PPA1: variants seen among roughly 807,000 people sequenced by gnomAD.
PPA1 encodes inorganic pyrophosphatase 1.
In PPA1, 23 loss-of-function variants were observed where a neutral mutation model predicts 41.8. That is an observed-to-expected ratio of 0.55 (90% confidence interval 0.40 to 0.78). The LOEUF is 0.78. Ranked by LOEUF, PPA1 falls within the 30% of genes least tolerant of loss-of-function variation. The pLI, the probability that PPA1 is intolerant of heterozygous loss-of-function variation, is 0.00. For synonymous variants in PPA1, 101 were observed against 116.8 expected, an observed-to-expected ratio of 0.86 and a Z score of 0.87; for missense variants, 320 against 361.6, an observed-to-expected ratio of 0.89 and a Z score of 0.93.
chr10:70,207,331 T>G (rs1016480055), intron 8 of PPA1, among the ~76,000 whole-genome samples: 2 of 152,204 alleles, frequency 1.3e-5, no homozygotes, highest in African/African-American at 4.8e-5. Context: ...GGTTTATCCA[T>G]AAAACATATT....
Position 70,218,919 on chromosome 10 carries a change from T to C in PPA1, c.124-102A>G, listed in dbSNP as rs777830911. On this transcript the variant is annotated intron_variant, in intron 2 of 10. Transcript: ENST00000373232. Reference sequence around the variant, plus strand: ...AAGTCAAACTGTTCATTGTATCAGATCTTTGAAGTCAATTGGATTTTCAAC... The same window carrying C: ...AAGTCAAACTGTTCATTGTATCAGACCTTTGAAGTCAATTGGATTTTCAAC... The C allele has an allele frequency of 4.6e-4, 359 of 787,188 alleles. 2 individuals carry two copies. The highest frequency in any genetic ancestry group is 9.8e-5 in the Non-Finnish European group (46 of 467,646). 48.8% of individuals were successfully genotyped at this position (787,188 alleles called of 1,614,324 possible).
In PPA1 at chr10:70,213,579, C is replaced by A; in HGVS notation, c.395G>T (p.Arg132Ile). ...VCEIGSKVCA[R>I]GEIIGVKVLG... ...AACTTTCACGCCAATTATTTCACCTCTTGCACATACCTGAGAGTCAATAGC... is the reference window on the plus strand; with the variant it reads ...AACTTTCACGCCAATTATTTCACCTATTGCACATACCTGAGAGTCAATAGC... Residue 132 changes from arginine (R) to isoleucine (I), a missense_variant, in exon 6 of 11, where the codon AGA (arginine) becomes ATA (isoleucine). Transcript: ENST00000373232. The A allele has an allele frequency of 6.2e-7, 1 of 1,613,860 alleles. No individual in the cohort carries two copies. The highest frequency in any genetic ancestry group is 8.5e-7 in the Non-Finnish European group (1 of 1,179,854).
Position 70,204,544 on chromosome 10 carries a change from G to A in PPA1, c.838+329C>T, listed in dbSNP as rs943948449. ...GCTGAAGGATGGGGAAAGGGCAGGC[G>A]ATGGTCAAAGGGTACCAAGTTTTAG... On this transcript the variant is annotated intron_variant, in intron 10 of 10. Coordinates refer to ENST00000373232, the MANE Select transcript of PPA1 (RefSeq NM_021129.4). 13 of 214,766 alleles carry A rather than the reference G, an allele frequency of 6.1e-5. No homozygotes were observed. In the South Asian group the frequency reaches 7.7e-4, roughly 13 times the overall value. 13.3% of individuals were successfully genotyped at this position (214,766 alleles called of 1,614,324 possible).
At chr10:70,218,858 A>G (rs1840105480) in intron 2 of PPA1, 41 bp from the exon 3 acceptor site, 1 of 1,482,728 alleles carries the variant, frequency 6.7e-7, no homozygotes, top group Non-Finnish European at 9.4e-7. Flanking sequence ...ACAGGAGCCA[A>G]TTTGTTCTCT....
chr10:70,219,432 T>C (rs571476128), intron 2 of PPA1, among the ~76,000 whole-genome samples: 1 of 152,268 alleles, frequency 6.6e-6, no homozygotes, highest in South Asian at 2.1e-4. Flanking sequence ...TCAGAGACAG[T>C]TTATAAGACA....
intron 4 of PPA1, among the ~76,000 whole-genome samples, chr10:70,216,246 G>A (rs1840079527): frequency 6.6e-6 from 1 of 152,024 alleles, no homozygotes; most frequent in Non-Finnish European, 1.5e-5. Flanking sequence ...CCAGCACTTT[G>A]CAAGGCCGAG....
At chr10:70,214,735 C>CA in intron 4 of PPA1, 149 bp from the exon 5 acceptor site, 1 of 594,582 alleles carries the variant, frequency 1.7e-6, no homozygotes, top group Non-Finnish European at 2.9e-6. Flanking sequence ...TAACTACACA[C>CA]AAGAGTTTCA....
chr10:70,207,026 G>A (rs1589890095), intron 8 of PPA1, among the ~76,000 whole-genome samples: 2 of 152,086 alleles, frequency 1.3e-5, no homozygotes, highest in Non-Finnish European at 2.9e-5. Context: ...CCCAGTTCCT[G>A]TAGTGTTGGT....
chr10:70,203,011 G>A lies in PPA1; in HGVS notation c.*144C>T. 4 of 781,304 alleles carry A rather than the reference G, an allele frequency of 5.1e-6. No individual in the cohort carries two copies. Among genetic ancestry groups the A allele is most frequent in the Non-Finnish European group, 8.6e-6 (4 of 465,672 alleles). 48.4% of individuals were successfully genotyped at this position (781,304 alleles called of 1,614,324 possible). ...ATGCTTTAGATGGATAACATTCTGA[G>A]TATATTGGATTAGTCACAGCAGAAT... On this transcript the variant is annotated 3_prime_UTR_variant, in exon 11 of 11. Coordinates refer to ENST00000373232, the MANE Select transcript of PPA1 (RefSeq NM_021129.4).
At chr10:70,230,737 G>A (rs960618169) in intron 1 of PPA1, among the ~76,000 whole-genome samples, 1 of 152,132 alleles carries the variant, frequency 6.6e-6, no homozygotes, top group Non-Finnish European at 1.5e-5. Flanking sequence ...CCAAAGGGCT[G>A]GAATTACAGG....
chr10:70,212,929 T>A (rs1038659245), intron 6 of PPA1, among the ~76,000 whole-genome samples: 1 of 151,594 alleles, frequency 6.6e-6, no homozygotes, highest in African/African-American at 2.4e-5. Flanking sequence ...AGAGGCCACC[T>A]ATATGATGCC....
chr10:70,213,296 CTTAG>C (rs771994876), intron 6 of PPA1, among the ~76,000 whole-genome samples, 163 bp downstream of exon 6: 1 of 152,174 alleles, frequency 6.6e-6, no homozygotes, highest in Non-Finnish European at 1.5e-5. Flanking sequence ...AGAAAGTTTA[CTTAG>C]TTAATTACAA....
intron 8 of PPA1, among the ~76,000 whole-genome samples, chr10:70,208,146 T>C (rs915999493): frequency 6.6e-6 from 1 of 152,188 alleles, no homozygotes; most frequent in Non-Finnish European, 1.5e-5. Context: ...GCCGAGATCA[T>C]GCCATTGCAC....
At chr10:70,212,902 T>C (rs548197910) in intron 6 of PPA1, among the ~76,000 whole-genome samples, 5 of 150,736 alleles carry the variant, frequency 3.3e-5, no homozygotes, top group Non-Finnish European at 7.4e-5. Context: ...CTTCGCTAAG[T>C]GAAATAAACC....
intron 8 of PPA1, among the ~76,000 whole-genome samples, chr10:70,208,816 C>T (rs1399924745): frequency 1.4e-5 from 2 of 145,582 alleles, no homozygotes; most frequent in Non-Finnish European, 3.0e-5. Context: ...TTTTTGAGAC[C>T]GAGTCTCGCT....
chr10:70,217,481 T>C (rs2136759693), intron 4 of PPA1, among the ~76,000 whole-genome samples: 1 of 152,186 alleles, frequency 6.6e-6, no homozygotes, highest in Non-Finnish European at 1.5e-5. Context: ...AAATCAGTGC[T>C]TTTGACTACT....
chr10:70,207,988 G>A lies in PPA1; in HGVS notation c.725+1217C>T, dbSNP rs149904460. On this transcript the variant is annotated intron_variant, in intron 8 of 10. Transcript: ENST00000373232. Reference sequence around the variant, plus strand: ...CGGGCAGATCATGAGTCAGAGGTTCGAGACCAGCCTGGTTAACACGGCAAA... The same window carrying A: ...CGGGCAGATCATGAGTCAGAGGTTCAAGACCAGCCTGGTTAACACGGCAAA... Among the ~76,000 whole-genome samples the A allele has an allele frequency of 3.8e-4, 58 of 152,126 alleles. 1 individual carries two copies. In the East Asian group the frequency reaches 0.011, roughly 28 times the overall value.
chr10:70,215,752 A>G (rs765901231), intron 4 of PPA1, among the ~76,000 whole-genome samples: 1 of 152,196 alleles, frequency 6.6e-6, no homozygotes, highest in Non-Finnish European at 1.5e-5. Context: ...AAGTGCTGGG[A>G]TTACAGGCAT....
chr10:70,224,246 C>CAA (rs58480019), intron 2 of PPA1, among the ~76,000 whole-genome samples: 1,156 of 69,430 alleles, frequency 0.017, 47 homozygotes, highest in African/African-American at 0.06. Flanking sequence ...CCTGTCTCTA[C>CAA]AAAAAAAAAA....
Sources: gnomAD v4.1 joint callset for allele counts (sites outside exome capture counted in the v4.1 genomes callset) on GRCh38, gnomAD v4.1.1 for gene constraint, MANE v1.5 for transcripts, NCBI Gene and HGNC (gene_info 2026-07-23, HGNC 2026-07-21) for gene names.